Variants in OLFM1 observed in about 807,000 individuals in gnomAD.
The protein encoded by OLFM1 is noelin.
In OLFM1, 9 loss-of-function variants were observed where a neutral mutation model predicts 49.7. The ratio of observed to expected loss-of-function variants is 0.18; its 90% confidence interval spans 0.11 to 0.32. The LOEUF (loss-of-function observed/expected upper bound fraction) is 0.32. Among genes scored for constraint, OLFM1 ranks in the 10% least tolerant of loss-of-function variants. The probability of loss-of-function intolerance (pLI) is 1.00; values close to 1 mark genes in which losing one functional copy is unlikely to be tolerated. For missense variants in OLFM1, 369 were observed against 661.8 expected, an observed-to-expected ratio of 0.56 and a Z score of 4.85; for synonymous variants, 240 against 271.8, an observed-to-expected ratio of 0.88 and a Z score of 1.15.
At chr9:135,099,934 G>A (rs938492087) in intron 4 of OLFM1, among the ~76,000 whole-genome samples, 2 of 152,188 alleles carry the variant, frequency 1.3e-5, no homozygotes, top group African/African-American at 4.8e-5. Context: ...CTGTATTAAC[G>A]ATCATGGGGC....
At chr9:135,090,434 C>A in intron 2 of OLFM1, 90 bp downstream of exon 2, 1 of 1,352,438 alleles carries the variant, frequency 7.4e-7, no homozygotes, top group Non-Finnish European at 1.0e-6. Flanking sequence ...ACACCAGCAC[C>A]AAGGCTTGGC....
In OLFM1 at chr9:135,103,677, G is replaced by A. The variant is rs558210533; in HGVS notation, c.677-3072G>A. ...CAGAACTGCAAGGTCCAGGGTGGGC[G>A]GGATGAAGTGGGAGGGGTGAAGACC... On this transcript the variant is annotated intron_variant, in intron 4 of 5. Transcript: ENST00000371793. Among the ~76,000 whole-genome samples the A allele has an allele frequency of 1.3e-4, 20 of 152,314 alleles. No individual in the cohort carries two copies. In the South Asian group the frequency reaches 3.3e-3, roughly 25 times the overall value.
At chr9:135,111,527 CTG>C (rs1831023215) in intron 5 of OLFM1, among the ~76,000 whole-genome samples, 1 of 152,176 alleles carries the variant, frequency 6.6e-6, no homozygotes, top group South Asian at 2.1e-4. Flanking sequence ...GGCTGGGAAT[CTG>C]AACTTTCCTG....
chr9:135,083,633 G>A (rs897690140), upstream of OLFM1, among the ~76,000 whole-genome samples: 1 of 152,204 alleles, frequency 6.6e-6, no homozygotes, highest in Non-Finnish European at 1.5e-5. Flanking sequence ...AATCTCCTGG[G>A]TCGGCAGCTC....
At position 135,098,535 on chromosome 9, in the gene OLFM1, C is replaced by A; in HGVS notation, c.676+30C>A. ...GCCCAGTACCCTGCGGGACGTGGCG[C>A]TGCACTGCCCACCTCCGGCACACGC... On this transcript the variant is annotated intron_variant, in intron 4 of 5. Transcript: ENST00000371793. The surrounding 1 kb of genome is among the most constrained non-coding windows in gnomAD (Gnocchi z 5.6). 1 of 1,573,676 alleles carries A rather than the reference C, an allele frequency of 6.4e-7. No homozygotes were observed. The highest frequency in any genetic ancestry group is 1.1e-5 in the South Asian group (1 of 90,278).
In OLFM1 at chr9:135,107,248, G is replaced by T. The variant is rs193231752; in HGVS notation, c.783+393G>T. 1.0e-3 allele frequency among the ~76,000 whole-genome samples: 155 copies of T among 152,360 alleles called. 1 individual carries two copies. The highest frequency in any genetic ancestry group is 2.0e-3 in the Non-Finnish European group (135 of 68,036). On this transcript the variant is annotated intron_variant, in intron 5 of 5. Transcript: ENST00000371793. ...GGTCCTTGCATCTGCTTCAGGAAGA[G>T]AATTCATTAGGCCTTTCTTGTTTTA...
chr9:135,076,928 C>T, intron 1 of OLFM1: 1 of 1,550,642 alleles, frequency 6.4e-7, no homozygotes, highest in South Asian at 1.2e-5. Flanking sequence ...ACGCTGGCTC[C>T]CTGGCTCTGC....
At chr9:135,115,689 C>T (rs902041790) in intron 5 of OLFM1, among the ~76,000 whole-genome samples, 1 of 152,198 alleles carries the variant, frequency 6.6e-6, no homozygotes, top group Non-Finnish European at 1.5e-5. Flanking sequence ...GTGCAGTGCC[C>T]CCAGGGCAGA....
At chr9:135,076,332 G>A (rs561048695) in intron 1 of OLFM1, 11 of 1,549,618 alleles carry the variant, frequency 7.1e-6, no homozygotes, top group Middle Eastern at 1.7e-4. Context: ...CCGGCCAGCT[G>A]TGTGCATTGC....
At chr9:135,111,170 C>T (rs1003271209) in intron 5 of OLFM1, among the ~76,000 whole-genome samples, 2 of 152,206 alleles carry the variant, frequency 1.3e-5, no homozygotes, top group Admixed American at 6.5e-5. Flanking sequence ...TGTTGGGCCT[C>T]GGTTTCGGAG....
intron 5 of OLFM1, 87 bp downstream of exon 5, chr9:135,106,942 G>A (rs1412785496): frequency 5.5e-6 from 6 of 1,081,360 alleles, no homozygotes; most frequent in Admixed American, 2.1e-5. Context: ...TACAAGCCAC[G>A]CCCACCCTCC....
upstream of OLFM1, chr9:135,086,797 G>A: frequency 2.3e-6 from 1 of 442,884 alleles, no homozygotes; most frequent in South Asian, 1.6e-5. Flanking sequence ...CTCTGTGCCT[G>A]GGCGCCATGA....
exon 1 of OLFM1, chr9:135,075,738 T>C (rs1450924171): frequency 1.9e-6 from 3 of 1,604,850 alleles, no homozygotes; most frequent in Non-Finnish European, 1.7e-6. Flanking sequence ...CAGCGAGACA[T>C]GCACCCGGCC....
chr9:135,109,766 G>A (rs1260480404), intron 5 of OLFM1, among the ~76,000 whole-genome samples: 13 of 152,120 alleles, frequency 8.5e-5, no homozygotes, highest in South Asian at 6.2e-4. Context: ...AGGCTGCCAC[G>A]GAGGGCATTG....
At chr9:135,107,679 G>A (rs1403896703) in intron 5 of OLFM1, among the ~76,000 whole-genome samples, 2 of 152,218 alleles carry the variant, frequency 1.3e-5, no homozygotes, top group East Asian at 1.9e-4. Flanking sequence ...GCCAGAGTGG[G>A]CATTTCTCAC....
chr9:135,078,985 C>T (rs1243910873), intron 1 of OLFM1, among the ~76,000 whole-genome samples: 5 of 152,098 alleles, frequency 3.3e-5, no homozygotes, highest in Non-Finnish European at 7.4e-5. Flanking sequence ...TGCTACAGAC[C>T]CCCAACCCCA....
upstream of OLFM1, among the ~76,000 whole-genome samples, chr9:135,082,703 T>C (rs968097059): frequency 1.3e-5 from 2 of 151,994 alleles, no homozygotes; most frequent in African/African-American, 4.8e-5. Context: ...ACAGACTGAG[T>C]CAGCTCTGAG....
At chr9:135,077,736 G>A (rs1297109767) in intron 1 of OLFM1, among the ~76,000 whole-genome samples, 2 of 152,368 alleles carry the variant, frequency 1.3e-5, no homozygotes, top group African/African-American at 4.8e-5. Context: ...ACTCAGCCAG[G>A]AGGCACCTCC....
upstream of OLFM1, chr9:135,087,473 C>T: frequency 6.6e-7 from 1 of 1,521,292 alleles, no homozygotes; most frequent in African/African-American, 1.4e-5. Flanking sequence ...GGTGGTGTGT[C>T]CGTCTCCTCA....
Sources: allele counts gnomAD v4.1 joint callset (sites outside exome capture counted in the v4.1 genomes callset), GRCh38; gene constraint gnomAD v4.1.1; non-coding constraint Gnocchi (gnomAD v3.1); transcripts MANE v1.5; gene names NCBI Gene and HGNC (gene_info 2026-07-23, HGNC 2026-07-21).